CFAP92: variants seen among roughly 807,000 people sequenced by gnomAD.
The protein encoded by CFAP92 is uncharacterized protein CFAP92.
In CFAP92, 86 loss-of-function variants were observed where a neutral mutation model predicts 106.3. That is an observed-to-expected ratio of 0.81 (90% confidence interval 0.68 to 0.97). CFAP92 has a LOEUF of 0.97. Ranked by LOEUF, CFAP92 falls within the 50% of genes least tolerant of loss-of-function variation. The probability of loss-of-function intolerance (pLI) is 0.00; values close to 1 mark genes in which losing one functional copy is unlikely to be tolerated. For missense variants in CFAP92, 1,204 were observed against 1,283.8 expected (o/e 0.94, Z 0.95); for synonymous variants, 477 against 506.4 (o/e 0.94, Z 0.78).
chr3:128,949,092 G>A (rs1940540626), intron 9 of CFAP92, among the ~76,000 whole-genome samples: 1 of 152,198 alleles, frequency 6.6e-6, no homozygotes, highest in Non-Finnish European at 1.5e-5. Flanking sequence ...GGAGCAACTA[G>A]AACCCTTGTT....
In CFAP92 at chr3:128,993,207, A is replaced by G; in HGVS notation, c.98T>C (p.Val33Ala). ...SFYQSTSECDVEEHLKAKARA... is the reference protein window; with the variant it reads ...SFYQSTSECDAEEHLKAKARA... ...GGCCTTGGCCTTCAGGTGTTCCTCC[A>G]CGTCACACTCGCTCGTGGACTGGTA... The change falls in exon 2 of 16, where the codon GTG (valine) becomes GCG (alanine). Residue 33 changes from valine (V) to alanine (A), a missense_variant. By Grantham distance (64) the Val-to-Ala change is moderately conservative. Coordinates refer to ENST00000645291, the MANE Select transcript of CFAP92 (RefSeq NM_001394090.1). 1 of 1,614,044 alleles carries G rather than the reference A, an allele frequency of 6.2e-7. No individual in the cohort carries two copies. The highest frequency in any genetic ancestry group is 8.5e-7 in the Non-Finnish European group (1 of 1,179,886).
At chr3:128,960,595 T>G (rs1576531692) in intron 9 of CFAP92, among the ~76,000 whole-genome samples, 1 of 152,228 alleles carries the variant, frequency 6.6e-6, no homozygotes, top group South Asian at 2.1e-4. Flanking sequence ...AAGGCAGCCT[T>G]CCCTTGGTGT....
At chr3:128,961,315 C>T (rs1006439939) in intron 9 of CFAP92, among the ~76,000 whole-genome samples, 1 of 152,096 alleles carries the variant, frequency 6.6e-6, no homozygotes, top group Admixed American at 6.5e-5. Flanking sequence ...CTTTCCCTCC[C>T]GCCTGTCCCC....
At chr3:128,966,764 G>GT (rs1016278919) in intron 8 of CFAP92, 9 of 152,040 alleles carry the variant, frequency 5.9e-5, no homozygotes, top group African/African-American at 2.2e-4. Flanking sequence ...TAAAGACGGG[G>GT]TTTCACCGTG....
intron 9 of CFAP92, among the ~76,000 whole-genome samples, chr3:128,957,212 A>G (rs908339986): frequency 6.6e-6 from 1 of 152,230 alleles, no homozygotes; most frequent in African/African-American, 2.4e-5. Context: ...TAATGGAATA[A>G]GTAGAACCAC....
intron 1 of CFAP92, 153 bp downstream of exon 1, chr3:128,993,827 T>C: frequency 2.0e-6 from 1 of 499,964 alleles, no homozygotes; most frequent in South Asian, 6.1e-5. Flanking sequence ...CACTGGGTGC[T>C]GGGCTCGGGG....
chr3:128,976,033 A>C (rs572965685), intron 6 of CFAP92, 130 bp from the exon 7 acceptor site: 1 of 802,936 alleles, frequency 1.2e-6, no homozygotes, highest in Non-Finnish European at 1.8e-6. Context: ...CCTCTAACCC[A>C]GTGCTTCTCA....
chr3:128,923,941 C>G lies in CFAP92; in HGVS notation c.2752-7670G>C, dbSNP rs754973363. 5.0e-4 allele frequency among the ~76,000 whole-genome samples: 76 copies of G among 152,318 alleles called. 1 individual carries two copies. The highest frequency in any genetic ancestry group is 9.7e-4 in the Non-Finnish European group (66 of 68,038). ...AGCCAATGGGTTGTCCACAATCAAT[C>G]CTCTTAAATGGATTAAGGCCATTGG... On this transcript the variant is annotated intron_variant, in intron 12 of 15. Transcript: ENST00000645291.
intron 12 of CFAP92, among the ~76,000 whole-genome samples, chr3:128,926,552 C>A (rs1937665900): frequency 6.6e-6 from 1 of 152,144 alleles, no homozygotes; most frequent in Non-Finnish European, 1.5e-5. Context: ...TCTGCTCTCA[C>A]CACTCCTCTT....
intron 7 of CFAP92, among the ~76,000 whole-genome samples, chr3:128,973,580 C>T (rs1172524860): frequency 4.0e-5 from 6 of 151,484 alleles, no homozygotes; most frequent in Middle Eastern, 3.4e-3. Flanking sequence ...TGCTTGAACC[C>T]GGGAGATGGA....
At chr3:128,961,689 GC>G (rs1365899544) in intron 9 of CFAP92, among the ~76,000 whole-genome samples, 1 of 152,136 alleles carries the variant, frequency 6.6e-6, no homozygotes, top group African/African-American at 2.4e-5. Flanking sequence ...ACGCTTTACA[GC>G]CCTAGACCCT....
chr3:128,994,619 C>A (rs1317741302), upstream of CFAP92, among the ~76,000 whole-genome samples: 1 of 152,214 alleles, frequency 6.6e-6, no homozygotes, highest in Non-Finnish European at 1.5e-5. Flanking sequence ...GATCAGAAAA[C>A]AAAGCTTAGA....
intron 9 of CFAP92, among the ~76,000 whole-genome samples, chr3:128,953,387 CGCCTGTAG>C (rs1405626419): frequency 2.0e-5 from 3 of 151,454 alleles, no homozygotes; most frequent in African/African-American, 7.3e-5. Flanking sequence ...TGGTGGTGGG[CGCCTGTAG>C]TCCCAGCTAC....
chr3:128,956,994 A>AAAAAAG lies in CFAP92; in HGVS notation c.1353+8516_1353+8517insCTTTTT, dbSNP rs377096690. On this transcript the variant is annotated intron_variant, in intron 9 of 15. Transcript: ENST00000645291. ...GACTCTCTCAAAAAAAAAAAAAAAA[A>AAAAAAG]AAAGAAATCAACCCCATTCTATACC... Among the ~76,000 whole-genome samples the AAAAAAG allele has an allele frequency of 6.2e-4, 80 of 129,040 alleles. 6 individuals carry two copies. Among genetic ancestry groups the AAAAAAG allele is most frequent in the South Asian group, 7.1e-4 (3 of 4,228 alleles). The allele number at this position is 129,040 out of a possible 152,430, so 84.7% of individuals were successfully genotyped here. A position where few individuals can be genotyped will look rare whatever the true frequency, so the allele number is the denominator to read the frequency against.
the CFAP92 span, among the ~76,000 whole-genome samples, chr3:129,013,107 C>T: frequency 6.6e-6 from 1 of 152,224 alleles, no homozygotes; most frequent in African/African-American, 2.4e-5. Flanking sequence ...CATGACCTGG[C>T]CTAAGTCAGG....
chr3:128,934,544 G>C (rs1384595803), intron 11 of CFAP92, among the ~76,000 whole-genome samples: 1 of 151,358 alleles, frequency 6.6e-6, no homozygotes, highest in Admixed American at 6.6e-5. Context: ...TTGTTTGTTT[G>C]TTTCTGAGAT....
chr3:128,930,416 G>C (rs1938229563), intron 12 of CFAP92, among the ~76,000 whole-genome samples: 1 of 152,062 alleles, frequency 6.6e-6, no homozygotes, highest in Non-Finnish European at 1.5e-5. Context: ...CTCCCAAAGT[G>C]CTGGGATTAC....
intron 2 of CFAP92, 40 bp from the exon 3 acceptor site, chr3:128,988,958 T>A (rs1366952268): frequency 6.6e-7 from 1 of 1,522,262 alleles, no homozygotes; most frequent in East Asian, 2.3e-5. Context: ...TTTAACCTCA[T>A]GTGGAAAAGC....
In CFAP92 at chr3:128,976,973, C is replaced by T; in HGVS notation, c.896+6G>A. ...CCCACCACCCAAAATATCGTTCAAT[C>T]CTTACTGAATCGTGGAAGAATCGTC... On this transcript the variant is annotated splice_donor_region_variant and intron_variant, in intron 6 of 15. Coordinates refer to ENST00000645291, the MANE Select transcript of CFAP92 (RefSeq NM_001394090.1). 1 of 1,611,966 alleles carries T rather than the reference C, an allele frequency of 6.2e-7. No individual in the cohort carries two copies. The highest frequency in any genetic ancestry group is 2.2e-5 in the East Asian group (1 of 44,862).
Sources: gnomAD v4.1 joint callset for allele counts (sites outside exome capture counted in the v4.1 genomes callset) on GRCh38, gnomAD v4.1.1 for gene constraint, MANE v1.5 for transcripts, NCBI Gene and HGNC (gene_info 2026-07-23, HGNC 2026-07-21) for gene names.